SLC22A16: variants seen among roughly 807,000 people sequenced by gnomAD.
SLC22A16 encodes the protein WUGSC:RG331P03.1.
Under a neutral mutation model 52.9 loss-of-function variants are expected in SLC22A16, and 53 were observed. That is an observed-to-expected ratio of 1.00 (90% CI 0.80 to 1.26). The LOEUF (loss-of-function observed/expected upper bound fraction) is 1.26, where lower values mean the gene tolerates loss of function less well. Among genes scored for constraint, SLC22A16 ranks in the 50% most tolerant of loss-of-function variants. The pLI, the probability that SLC22A16 is intolerant of heterozygous loss-of-function variation, is 0.00. For synonymous variants in SLC22A16, 291 were observed against 268.8 expected (o/e 1.08, Z -0.81); for missense variants, 726 against 704.0 (o/e 1.03, Z -0.35).
intron 1 of SLC22A16, among the ~76,000 whole-genome samples, chr6:110,462,995 G>A (rs1217663614): frequency 6.7e-6 from 1 of 148,726 alleles, no homozygotes; most frequent in East Asian, 2.0e-4. Flanking sequence ...AAAAAAAAAA[G>A]CCTCCCAAGA....
rs759557480 is a variant in SLC22A16 at position 110,442,642 on chromosome 6, T to G, written c.785A>C (p.Tyr262Ser). Reference sequence around the variant, plus strand: ...GTAAAGCCACCAGGTCCTGACCAAGTATCCTGTCAAAGCCACCAGCAGGGT... The same window carrying G: ...GTAAAGCCACCAGGTCCTGACCAAGGATCCTGTCAAAGCCACCAGCAGGGT... ...VGTLLVALTG[Y>S]LVRTWWLYQM... The change falls in exon 4 of 8, where the codon TAC (tyrosine) becomes TCC (serine). Residue 262 changes from tyrosine to serine, a missense_variant. Coordinates refer to ENST00000368919, the MANE Select transcript of SLC22A16 (RefSeq NM_033125.4). 13 of 1,614,152 alleles carry G rather than the reference T, an allele frequency of 8.1e-6. No individual in the cohort carries two copies. The highest frequency in any genetic ancestry group is 1.6e-4 in the Middle Eastern group (1 of 6,062).
At chr6:110,452,274 G>T (rs1434203419) in intron 2 of SLC22A16, among the ~76,000 whole-genome samples, 1 of 151,830 alleles carries the variant, frequency 6.6e-6, no homozygotes, top group East Asian at 1.9e-4. Flanking sequence ...ATTTGTTACT[G>T]GTATATAGAA....
At chr6:110,434,247 T>A (rs1049693215) in intron 6 of SLC22A16, among the ~76,000 whole-genome samples, 2 of 151,664 alleles carry the variant, frequency 1.3e-5, no homozygotes, top group East Asian at 1.9e-4. Flanking sequence ...TCAAAAAAAA[T>A]AAAATAAAAT....
At chr6:110,459,026 AT>A (rs1382725328) in intron 1 of SLC22A16, among the ~76,000 whole-genome samples, 1 of 151,990 alleles carries the variant, frequency 6.6e-6, no homozygotes, top group African/African-American at 2.4e-5. Flanking sequence ...TGTGTATCCT[AT>A]TTGTTCTCTT....
chr6:110,435,987 C>G (rs1039317512), intron 5 of SLC22A16, 26 bp from the exon 6 acceptor site: 3 of 1,390,168 alleles, frequency 2.2e-6, no homozygotes, highest in Non-Finnish European at 3.1e-6. Flanking sequence ...CAGAATAGAT[C>G]ATCACAAGTG....
intron 7 of SLC22A16, among the ~76,000 whole-genome samples, chr6:110,430,487 G>A (rs1262274476): frequency 6.6e-6 from 1 of 152,044 alleles, no homozygotes; most frequent in Non-Finnish European, 1.5e-5. Context: ...GCACTGGAGG[G>A]GAGGGAGAGG....
chr6:110,460,966 T>C (rs1775858272), intron 1 of SLC22A16, among the ~76,000 whole-genome samples: 2 of 152,130 alleles, frequency 1.3e-5, no homozygotes, highest in African/African-American at 4.8e-5. Flanking sequence ...GGAAGGGACA[T>C]GGAGAGGGGA....
In SLC22A16 at chr6:110,442,134, G is replaced by C. The variant is rs542724406; in HGVS notation, c.1183+110C>G. The C allele has an allele frequency of 5.4e-5, 54 of 1,007,988 alleles. 1 individual carries two copies. The South Asian group carries it at 8.9e-4, about 17-fold the overall frequency. 62.4% of individuals were successfully genotyped at this position (1,007,988 alleles called of 1,614,324 possible). A position where few individuals can be genotyped will look rare whatever the true frequency, so the allele number is the denominator to read the frequency against. The stretch of plus-strand genomic sequence containing the variant: ...GGCAGTATTGTTCCTGGTTTTAAAG[G>C]GCCTATTAAAAACATTCTTTTTCTC... On this transcript the variant is annotated intron_variant, in intron 4 of 7. Transcript: ENST00000368919.
intron 2 of SLC22A16, among the ~76,000 whole-genome samples, chr6:110,449,737 T>C (rs1582555945): frequency 6.6e-6 from 1 of 152,168 alleles, no homozygotes; most frequent in African/African-American, 2.4e-5. Flanking sequence ...GCCTCCCAAA[T>C]ATGTCTTCAT....
chr6:110,452,622 C>A (rs192688049), intron 2 of SLC22A16, among the ~76,000 whole-genome samples: 42 of 152,054 alleles, frequency 2.8e-4, no homozygotes, highest in African/African-American at 9.4e-4. Context: ...ATTGCTTGAG[C>A]CCAGGAGTTT....
chr6:110,438,429 C>T (rs567817764), intron 5 of SLC22A16, among the ~76,000 whole-genome samples: 12 of 152,154 alleles, frequency 7.9e-5, no homozygotes, highest in South Asian at 2.1e-4. Flanking sequence ...GAACTCAAGC[C>T]ATCCTCCTAC....
At chr6:110,443,169 G>A (rs1314210148) in intron 3 of SLC22A16, among the ~76,000 whole-genome samples, 4 of 152,224 alleles carry the variant, frequency 2.6e-5, no homozygotes, top group East Asian at 1.9e-4. Flanking sequence ...AAAAATTTAC[G>A]CTAACTAGTG....
Position 110,468,813 on chromosome 6 carries a change from G to A in SLC22A16, c.53+7709C>T, listed in dbSNP as rs370307355. The stretch of plus-strand genomic sequence containing the variant: ...ACCCCACAGGCTAACATCTTGGCTT[G>A]AAGATGAGTGGTGCTGACCCTCACA... On this transcript the variant is annotated intron_variant, in intron 1 of 7. Coordinates refer to ENST00000368919, the MANE Select transcript of SLC22A16 (RefSeq NM_033125.4). 2.6e-5 allele frequency among the ~76,000 whole-genome samples: 4 copies of A among 152,288 alleles called. No individual in the cohort carries two copies. In the East Asian group the frequency reaches 7.7e-4, roughly 29 times the overall value.
intron 1 of SLC22A16, among the ~76,000 whole-genome samples, chr6:110,467,026 A>T (rs1776093722): frequency 6.6e-6 from 1 of 152,198 alleles, no homozygotes; most frequent in Non-Finnish European, 1.5e-5. Context: ...GGAAAACTCT[A>T]CTGTACTTTC....
chr6:110,447,846 C>T (rs2114957880), intron 2 of SLC22A16, among the ~76,000 whole-genome samples: 1 of 152,300 alleles, frequency 6.6e-6, no homozygotes, highest in South Asian at 2.1e-4. Flanking sequence ...CACTTCATTC[C>T]TTTTTTCTCT....
intron 2 of SLC22A16, chr6:110,456,209 A>T: frequency 3.8e-6 from 1 of 261,332 alleles, no homozygotes; most frequent in Non-Finnish European, 7.3e-6. Flanking sequence ...TTTTTTCTGT[A>T]TTAATTTTGC....
intron 4 of SLC22A16, 70 bp from the exon 5 acceptor site, chr6:110,438,917 C>A: frequency 7.6e-6 from 12 of 1,583,914 alleles, no homozygotes; most frequent in Non-Finnish European, 1.0e-5. Context: ...CGTCTTCTAA[C>A]CCACTACCCA....
intron 6 of SLC22A16, among the ~76,000 whole-genome samples, chr6:110,434,069 T>C (rs1394834295): frequency 1.3e-5 from 2 of 151,862 alleles, no homozygotes; most frequent in Non-Finnish European, 2.9e-5. Context: ...GGTGAAACCC[T>C]GTCTCTACTA....
Position 110,446,916 on chromosome 6 carries a change from A to G in SLC22A16, c.608T>C (p.Val203Ala). ...FLFGIAAAFAVDYYTFMAARF... is the reference protein window; with the variant it reads ...FLFGIAAAFAADYYTFMAARF... ...AGCAGCCATGAAGGTGTAATAATCA[A>G]CTGCAAACGCCGCTGCTATTCCAAA... Residue 203 changes from valine (V) to alanine (A), a missense_variant, in exon 3 of 8, where the codon GTT becomes GCT. By Grantham distance (64) the Val-to-Ala change is moderately conservative. Transcript: ENST00000368919. The G allele has an allele frequency of 6.2e-7, 1 of 1,613,910 alleles. No individual in the cohort carries two copies. The highest frequency in any genetic ancestry group is 8.5e-7 in the Non-Finnish European group (1 of 1,179,904).
Sources: gnomAD v4.1 joint callset for allele counts (sites outside exome capture counted in the v4.1 genomes callset) on GRCh38, gnomAD v4.1.1 for gene constraint, MANE v1.5 for transcripts, NCBI Gene and HGNC (gene_info 2026-07-23, HGNC 2026-07-21) for gene names.